The following EIF3A variants were observed in gnomAD, a reference collection of about 807,000 sequenced individuals.
The protein encoded by EIF3A is eukaryotic translation initiation factor 3 subunit A.
A neutral mutation model predicts 186.6 loss-of-function variants in EIF3A; 21 were observed. The observed-to-expected ratio is 0.11, with a 90% CI of 0.08 to 0.16. The LOEUF is 0.16. Ranked by LOEUF, EIF3A falls within the 10% of genes least tolerant of loss-of-function variation. EIF3A has a pLI of 1.00. For synonymous variants in EIF3A, 563 were observed against 584.3 expected (o/e 0.96, Z 0.52); for missense variants, 1,306 against 1,796.3 (o/e 0.73, Z 4.93).
At chr10:119,063,538 T>C (rs1486767661) in intron 7 of EIF3A, among the ~76,000 whole-genome samples, 1 of 152,210 alleles carries the variant, frequency 6.6e-6, no homozygotes, top group African/African-American at 2.4e-5. Context: ...ATTCATGAAT[T>C]AGGGACTGTT....
intron 1 of EIF3A, among the ~76,000 whole-genome samples, chr10:119,079,495 G>C (rs186049268): frequency 1.3e-5 from 2 of 152,022 alleles, no homozygotes; most frequent in African/African-American, 4.8e-5. Context: ...CTACAACATG[G>C]GTAAAACCCG....
chr10:119,065,979 A>G (rs543649123), intron 6 of EIF3A, among the ~76,000 whole-genome samples: 26 of 152,082 alleles, frequency 1.7e-4, no homozygotes, highest in Admixed American at 2.6e-4. Flanking sequence ...AGCCAGGCGT[A>G]GTGGTGGGCG....
intron 14 of EIF3A, among the ~76,000 whole-genome samples, 177 bp downstream of exon 14, chr10:119,056,563 G>A (rs779543196): frequency 2.0e-5 from 3 of 152,006 alleles, no homozygotes; most frequent in South Asian, 2.1e-4. Context: ...TCCAAGTTTC[G>A]TTTGTAATCT....
chr10:119,037,068 C>CA (rs757776609), intron 21 of EIF3A, 51 bp downstream of exon 21: 2 of 867,702 alleles, frequency 2.3e-6, no homozygotes, highest in Non-Finnish European at 1.6e-6. Flanking sequence ...AATCCCCCCC[C>CA]CCCCAGAAAC....
chr10:119,051,953 G>A (rs1407324020), intron 14 of EIF3A, among the ~76,000 whole-genome samples: 1 of 152,190 alleles, frequency 6.6e-6, no homozygotes. Context: ...TTTTGCTAGT[G>A]GAGTCTTGCT....
intron 1 of EIF3A, among the ~76,000 whole-genome samples, chr10:119,074,187 C>T (rs1369037131): frequency 3.9e-5 from 6 of 152,110 alleles, no homozygotes; most frequent in African/African-American, 1.2e-4. Context: ...AGTTCCAGGC[C>T]GGGCGCAGTG....
In EIF3A at chr10:119,070,866, A is replaced by T. The variant is rs763313305; in HGVS notation, c.741+20T>A. On this transcript the variant is annotated intron_variant, in intron 5 of 21. Transcript: ENST00000369144. Reference sequence around the variant, plus strand: ...ACAGACTATTATTTCTAGGAAGAAAAGCTAATAGCTCCAACATACCTGCCA... The same window carrying T: ...ACAGACTATTATTTCTAGGAAGAAATGCTAATAGCTCCAACATACCTGCCA... 119 of 1,574,196 alleles carry T rather than the reference A, an allele frequency of 7.6e-5. No individual in the cohort carries two copies. Among genetic ancestry groups the T allele is most frequent in the Non-Finnish European group, 1.0e-4 (117 of 1,144,068 alleles).
rs1359318379 is a variant in EIF3A, at chr10:119,058,160, T to C, written c.1773A>G (p.Lys591=). The part of the protein sequence containing the change: ...RLESLNIQRE[K]EELEQREAEL... ...CAGCTTCCCTCTGTTCCAATTCTTC[T>C]TTCTCACGCTGAATATTCAGACTCT... is the stretch of plus-strand genomic sequence containing the variant. Residue 591 remains lysine, a synonymous_variant, in exon 12 of 22, where the codon AAA becomes AAG. Transcript: ENST00000369144. 1.9e-6 allele frequency: 3 copies of C among 1,614,182 alleles called. No individual in the cohort carries two copies. The highest frequency in any genetic ancestry group is 2.5e-6 in the Non-Finnish European group (3 of 1,180,036).
chr10:119,075,855 G>T (rs765800652), intron 1 of EIF3A, among the ~76,000 whole-genome samples: 1 of 144,608 alleles, frequency 6.9e-6, no homozygotes. Flanking sequence ...CTGGGACTAC[G>T]GAGCTCGCCA....
chr10:119,066,295 G>C (rs1466042584), intron 6 of EIF3A, among the ~76,000 whole-genome samples: 1 of 151,474 alleles, frequency 6.6e-6, no homozygotes, highest in Non-Finnish European at 1.5e-5. Flanking sequence ...GATCACCTGA[G>C]GTCACGAGTT....
intron 14 of EIF3A, among the ~76,000 whole-genome samples, chr10:119,054,431 C>T (rs990561486): frequency 1.3e-4 from 20 of 151,636 alleles, no homozygotes. Flanking sequence ...AGAACTCTTC[C>T]GGGCCAGGCA....
intron 20 of EIF3A, among the ~76,000 whole-genome samples, chr10:119,037,901 G>T (rs879402522): frequency 5.1e-4 from 72 of 142,268 alleles, no homozygotes; most frequent in African/African-American, 1.6e-3. Context: ...CTTACTTTAA[G>T]AGGGAATTTT....
Position 119,033,833 on chromosome 10 carries a change from TATAAA to T in EIF3A, c.*2201_*2205del, listed in dbSNP as rs991519604. ...GTACCCCAAGTATTTCAATTAGACTTATAAAAGTATAAGTCAATCTATGGTCAGTG... is the reference window on the plus strand; with the variant it reads ...GTACCCCAAGTATTTCAATTAGACTTAGTATAAGTCAATCTATGGTCAGTG... On this transcript the variant is annotated 3_prime_UTR_variant, in exon 22 of 22. Transcript: ENST00000369144. 9 of 166,244 alleles carry T rather than the reference TATAAA, an allele frequency of 5.4e-5. No individual in the cohort carries two copies. The highest frequency in any genetic ancestry group is 1.3e-4 in the Non-Finnish European group (9 of 68,036). The allele number at this position is 166,244 out of a possible 1,614,324, so 10.3% of individuals were successfully genotyped here. A position where few individuals can be genotyped will look rare whatever the true frequency, so the allele number is the denominator to read the frequency against.
intron 3 of EIF3A, 151 bp from the exon 4 acceptor site, chr10:119,073,204 C>A (rs1250988157): frequency 2.6e-6 from 2 of 768,498 alleles, no homozygotes; most frequent in Non-Finnish European, 4.0e-6. Flanking sequence ...TCCCTGAATT[C>A]CCAATCTGCA....
At position 119,042,220 on chromosome 10, in the gene EIF3A, C is replaced by T. The variant is rs1179583966; in HGVS notation, c.3300G>A (p.Arg1100=). 6.2e-7 allele frequency: 1 copy of T among 1,613,460 alleles called. No homozygotes were observed. The highest frequency in any genetic ancestry group is 1.3e-5 in the African/African-American group (1 of 74,758). ...RRGMDDDRGP[R]RGMDDDRGPR... ...GACCCCGGTCATCATCCATGCCTCGCCTGGGACCCCGGTCATCATCCATGC... is the reference window on the plus strand; with the variant it reads ...GACCCCGGTCATCATCCATGCCTCGTCTGGGACCCCGGTCATCATCCATGC... Residue 1100 remains arginine, a synonymous_variant, in exon 19 of 22, where the codon AGG becomes AGA. Coordinates refer to ENST00000369144, the MANE Select transcript of EIF3A (RefSeq NM_003750.4). The surrounding 1 kb of genome is among the most constrained non-coding windows in gnomAD (Gnocchi z 7.8).
chr10:119,048,733 G>A (rs760387306), intron 17 of EIF3A, among the ~76,000 whole-genome samples: 5 of 151,222 alleles, frequency 3.3e-5, no homozygotes, highest in Non-Finnish European at 7.4e-5. Flanking sequence ...GTGCAGTGGC[G>A]CGATCTCAGC....
chr10:119,068,319 A>G (rs1172794758), intron 6 of EIF3A, among the ~76,000 whole-genome samples: 2 of 152,192 alleles, frequency 1.3e-5, no homozygotes, highest in African/African-American at 4.8e-5. Context: ...TTATATGAGA[A>G]TAAACATGAC....
chr10:119,074,058 AT>A, intron 1 of EIF3A, 121 bp from the exon 2 acceptor site: 1 of 804,332 alleles, frequency 1.2e-6, no homozygotes. Context: ...AGTTACATTT[AT>A]TTTTGACTTC....
At chr10:119,077,320 A>T (rs1238400157) in intron 1 of EIF3A, among the ~76,000 whole-genome samples, 1 of 151,684 alleles carries the variant, frequency 6.6e-6, no homozygotes, top group Non-Finnish European at 1.5e-5. Context: ...GCATGGTGGG[A>T]CACACCTGTA....
Sources: allele counts gnomAD v4.1 joint callset (sites outside exome capture counted in the v4.1 genomes callset), GRCh38; gene constraint gnomAD v4.1.1; non-coding constraint Gnocchi (gnomAD v3.1); transcripts MANE v1.5; gene names NCBI Gene and HGNC (gene_info 2026-07-23, HGNC 2026-07-21).